Variants in AIG1 observed in about 807,000 individuals in gnomAD.
The protein encoded by AIG1 is androgen-induced gene 1 protein.
AIG1 carries 23 observed loss-of-function variants against 31.4 expected under a neutral mutation model. The observed-to-expected ratio is 0.73, with a 90% CI of 0.53 to 1.04. The LOEUF is 1.04. AIG1 is among the 50% of genes least tolerant of loss of function. The probability of loss-of-function intolerance (pLI) is 0.00; values close to 1 mark genes in which losing one functional copy is unlikely to be tolerated. For synonymous variants in AIG1, 100 were observed against 110.5 expected (o/e 0.90, Z 0.60); for missense variants, 274 against 295.0 (o/e 0.93, Z 0.52).
chr6:143,099,164 A>G (rs1271069750), intron 1 of AIG1, among the ~76,000 whole-genome samples: 1 of 152,238 alleles, frequency 6.6e-6, no homozygotes. Context: ...TCCACCAAAA[A>G]TGGCCACATT....
intron 3 of AIG1, among the ~76,000 whole-genome samples, chr6:143,246,954 G>T (rs1794662253): frequency 6.6e-6 from 1 of 152,126 alleles, no homozygotes; most frequent in Non-Finnish European, 1.5e-5. Flanking sequence ...ACAGGAAAAG[G>T]ATACAGAATA....
chr6:143,266,640 G>GA (rs879447655), intron 3 of AIG1, among the ~76,000 whole-genome samples: 106 of 148,480 alleles, frequency 7.1e-4, no homozygotes, highest in Admixed American at 1.9e-3. Flanking sequence ...CCCCAGTACT[G>GA]AAAAAAAAAA....
At chr6:143,219,547 C>T (rs1266450095) in intron 3 of AIG1, among the ~76,000 whole-genome samples, 10 of 152,246 alleles carry the variant, frequency 6.6e-5, no homozygotes, top group Admixed American at 2.6e-4. Context: ...TTTTTAGCAA[C>T]GCAACTCAGT....
intron 1 of AIG1, among the ~76,000 whole-genome samples, chr6:143,086,730 G>A (rs1442820647): frequency 6.6e-6 from 1 of 152,216 alleles, no homozygotes; most frequent in Non-Finnish European, 1.5e-5. Context: ...AGGAGGCAGG[G>A]ATCAGAGGAA....
chr6:143,159,301 C>T (rs1786098916), intron 2 of AIG1, among the ~76,000 whole-genome samples: 1 of 152,204 alleles, frequency 6.6e-6, no homozygotes, highest in African/African-American at 2.4e-5. Context: ...AAGGAAGGAA[C>T]CAAATCATGT....
chr6:143,170,466 G>A lies in AIG1; in HGVS notation c.399+5283G>A, dbSNP rs541400272. ...GGAGCTGTACCCCTCCTGATCCTTC[G>A]TATTTCTATGGTATCAGTTGTAATG... On this transcript the variant is annotated intron_variant, in intron 3 of 5. Transcript: ENST00000357847. 3.3e-5 allele frequency among the ~76,000 whole-genome samples: 5 copies of A among 151,796 alleles called. No homozygotes were observed. The South Asian group carries it at 8.3e-4, about 25-fold the overall frequency.
chr6:143,139,356 G>A (rs1332146179), intron 2 of AIG1, among the ~76,000 whole-genome samples: 2 of 149,574 alleles, frequency 1.3e-5, no homozygotes, highest in Non-Finnish European at 3.0e-5. Context: ...TGTGGGTGCA[G>A]CTGTCCTAGT....
At chr6:143,225,858 A>G (rs1454021945) in intron 3 of AIG1, among the ~76,000 whole-genome samples, 1 of 152,324 alleles carries the variant, frequency 6.6e-6, no homozygotes, top group African/African-American at 2.4e-5. Flanking sequence ...GAATTTGTAT[A>G]TATTTTAATG....
intron 1 of AIG1, among the ~76,000 whole-genome samples, chr6:143,069,925 G>A (rs373667089): frequency 6.6e-6 from 1 of 151,928 alleles, no homozygotes; most frequent in Non-Finnish European, 1.5e-5. Flanking sequence ...TCCCTGCACC[G>A]TGTCTTGAAA....
chr6:143,315,145 AT>A (rs1264282132), intron 4 of AIG1, among the ~76,000 whole-genome samples: 2 of 152,150 alleles, frequency 1.3e-5, no homozygotes, highest in African/African-American at 4.8e-5. Flanking sequence ...CAAAGTTGAT[AT>A]ACTAAAGCAA....
chr6:143,151,620 A>G (rs146169781), intron 2 of AIG1, among the ~76,000 whole-genome samples: 6 of 152,242 alleles, frequency 3.9e-5, no homozygotes, highest in African/African-American at 1.4e-4. Flanking sequence ...AGCCCAGGAC[A>G]CTCTGTTTTG....
intron 3 of AIG1, among the ~76,000 whole-genome samples, chr6:143,276,342 G>A (rs1347648906): frequency 6.6e-6 from 1 of 152,146 alleles, no homozygotes; most frequent in Non-Finnish European, 1.5e-5. Flanking sequence ...AAAGAGTTTT[G>A]GAAGTGCCCA....
chr6:143,202,017 GAA>G (rs1233334399), intron 3 of AIG1, among the ~76,000 whole-genome samples: 1 of 152,130 alleles, frequency 6.6e-6, no homozygotes, highest in Admixed American at 6.5e-5. Flanking sequence ...CTGAGGCTTA[GAA>G]AGTTAGTAAA....
chr6:143,134,585 A>C (rs893700411), intron 1 of AIG1, among the ~76,000 whole-genome samples: 1 of 152,050 alleles, frequency 6.6e-6, no homozygotes, highest in Non-Finnish European at 1.5e-5. Flanking sequence ...GTACACATAT[A>C]TGAGAGTTTC....
intron 2 of AIG1, among the ~76,000 whole-genome samples, chr6:143,161,961 AAAG>A (rs1786424768): frequency 6.6e-6 from 1 of 152,220 alleles, no homozygotes; most frequent in Admixed American, 6.5e-5. Context: ...CAATAAAAAA[AAAG>A]AAGTAAAATG....
chr6:143,159,554 C>T (rs1300082540), intron 2 of AIG1, among the ~76,000 whole-genome samples: 1 of 152,180 alleles, frequency 6.6e-6, no homozygotes, highest in African/African-American at 2.4e-5. Flanking sequence ...TACTCACAGA[C>T]TTACATTCTA....
At chr6:143,211,460 C>A (rs925653808) in intron 3 of AIG1, among the ~76,000 whole-genome samples, 15 of 152,132 alleles carry the variant, frequency 9.9e-5, no homozygotes, top group Non-Finnish European at 1.9e-4. Context: ...CAGAGCCCCA[C>A]CACATTGCAA....
rs373539132 is a variant in AIG1, at chr6:143,165,160, C to T, written c.376C>T (p.Pro126Ser). ...IYPKLLDNFI[P>S]GWLNHGMHTT... is the part of the protein sequence containing the mutation. Reference sequence around the variant, plus strand: ...CCCGAAGCTGCTGGATAATTTTATCCCAGGGTGGCTGAATCACGGAATGGT... The same window carrying T: ...CCCGAAGCTGCTGGATAATTTTATCTCAGGGTGGCTGAATCACGGAATGGT... The change falls in exon 3 of 6, where the codon CCA becomes TCA. Residue 126 changes from proline (P) to serine (S), a missense_variant. Around this residue, in one of 2 missense-constraint regions of AIG1, gnomAD observed 243 missense variants for 238.5 expected, o/e 1.02. Transcript: ENST00000357847. The T allele has an allele frequency of 6.8e-6, 11 of 1,613,042 alleles. No homozygotes were observed. The African/African-American group carries it at 1.5e-4, about 22-fold the overall frequency.
downstream of AIG1, chr6:143,342,099 A>G (rs1583926490): frequency 9.7e-6 from 4 of 411,872 alleles, no homozygotes; most frequent in South Asian, 3.3e-5. Context: ...CTAATTTTGT[A>G]CTTTTCGTAG....
Sources: allele counts gnomAD v4.1 joint callset (sites outside exome capture counted in the v4.1 genomes callset), GRCh38; gene constraint gnomAD v4.1.1; regional missense constraint gnomAD v4.1.1; transcripts MANE v1.5; gene names NCBI Gene and HGNC (gene_info 2026-07-23, HGNC 2026-07-21).